The following MAP4 variants were observed in gnomAD, a reference collection of about 807,000 sequenced individuals.
MAP4 encodes microtubule associated protein 4.
Under a neutral mutation model 170.2 loss-of-function variants are expected in MAP4, and 76 were observed. That is an observed-to-expected ratio of 0.45 (90% CI 0.37 to 0.54). MAP4 has a LOEUF of 0.54. Among genes scored for constraint, MAP4 ranks in the 20% least tolerant of loss-of-function variants. The pLI is 0.00. For missense variants in MAP4, 2,506 were observed against 2,748.0 expected (o/e 0.91, Z 1.97); for synonymous variants, 909 against 994.5 (o/e 0.91, Z 1.62).
At position 47,897,704 on chromosome 3, in the gene MAP4, C is replaced by T. The variant is rs183489017; in HGVS notation, c.5434+5246G>A. Reference sequence around the variant, plus strand: ...CTGTAATCTCAGTACTTTGGGAGGTCGAGGCGGGCGGATCACAAGGTCAGG... The same window carrying T: ...CTGTAATCTCAGTACTTTGGGAGGTTGAGGCGGGCGGATCACAAGGTCAGG... On this transcript the variant is annotated intron_variant, in intron 10 of 20. Transcript: ENST00000683076. 5.6e-3 allele frequency among the ~76,000 whole-genome samples: 846 copies of T among 151,538 alleles called. 4 individuals are homozygous for T. Among genetic ancestry groups the T allele is most frequent in the South Asian group, 0.016 (75 of 4,784 alleles).
intron 2 of MAP4, among the ~76,000 whole-genome samples, chr3:47,997,722 A>AGAAAGAAG (rs1242733998): frequency 5.3e-5 from 8 of 152,092 alleles, no homozygotes; most frequent in African/African-American, 1.9e-4. Flanking sequence ...AAAGAAAGAA[A>AGAAAGAAG]GAAAGAAAGA....
At chr3:47,938,298 G>A (rs906563442) in intron 3 of MAP4, among the ~76,000 whole-genome samples, 3 of 152,074 alleles carry the variant, frequency 2.0e-5, no homozygotes, top group Non-Finnish European at 2.9e-5. Context: ...AACCTGGGAG[G>A]TGGAGGTTGC....
At chr3:48,082,050 C>T (rs6803741) in intron 1 of MAP4, among the ~76,000 whole-genome samples, 112,642 of 152,092 alleles carry the variant, frequency 0.74, 42,209 homozygotes, top group African/African-American at 0.87. Flanking sequence ...CAACAAAATA[C>T]AGTACTGGAT....
intron 3 of MAP4, among the ~76,000 whole-genome samples, chr3:47,951,338 TCCTCTC>T (rs1016665753): frequency 1.1e-4 from 17 of 151,854 alleles, no homozygotes; most frequent in African/African-American, 3.9e-4. Flanking sequence ...CTCCTCTCCC[TCCTCTC>T]CCTCTCCCCA....
intron 15 of MAP4, among the ~76,000 whole-genome samples, chr3:47,870,229 T>C (rs1294340474): frequency 6.6e-6 from 1 of 152,136 alleles, no homozygotes; most frequent in Non-Finnish European, 1.5e-5. Context: ...CCAGAAAATC[T>C]TAACCACCGG....
At chr3:48,074,466 G>C (rs1396361847) in intron 1 of MAP4, among the ~76,000 whole-genome samples, 2 of 116,550 alleles carry the variant, frequency 1.7e-5, no homozygotes, top group Admixed American at 9.1e-5. Context: ...AATAATAAAA[G>C]AAAAAAAAAC....
chr3:47,984,984 A>C (rs2100087722), intron 2 of MAP4, among the ~76,000 whole-genome samples: 1 of 151,260 alleles, frequency 6.6e-6, no homozygotes, highest in African/African-American at 2.4e-5. Context: ...AAATTAAAAA[A>C]TAAAAATAAA....
intron 1 of MAP4, among the ~76,000 whole-genome samples, chr3:48,038,650 C>T (rs1370648255): frequency 6.6e-6 from 1 of 151,976 alleles, no homozygotes; most frequent in African/African-American, 2.4e-5. Flanking sequence ...TTAGCAGGGA[C>T]GGGGTTTCAC....
At chr3:47,915,358 C>T (rs1035793851) in intron 7 of MAP4, among the ~76,000 whole-genome samples, 4 of 152,026 alleles carry the variant, frequency 2.6e-5, no homozygotes, top group African/African-American at 4.8e-5. Context: ...TCAGGTGATC[C>T]GCCCACCTCG....
At chr3:48,002,839 T>C (rs1291012333) in intron 1 of MAP4, among the ~76,000 whole-genome samples, 2 of 151,720 alleles carry the variant, frequency 1.3e-5, no homozygotes, top group African/African-American at 2.4e-5. Flanking sequence ...ATTGCACCAC[T>C]GTACTCCAGC....
chr3:48,074,129 TA>T (rs2100142424), intron 1 of MAP4, among the ~76,000 whole-genome samples: 1 of 151,582 alleles, frequency 6.6e-6, no homozygotes, highest in African/African-American at 2.4e-5. Context: ...TATGCAGCCA[TA>T]AAAAAGGATG....
rs192834050 is a variant in MAP4, at chr3:48,000,292, C to A, written c.-19-1413G>T. ...AATTGGGCACCATTCAAATGCAGGG[C>A]ATAATAGGAAATAAAGTGTGCAAGG... On this transcript the variant is annotated intron_variant, in intron 1 of 20. Coordinates refer to ENST00000683076, the MANE Select transcript of MAP4 (RefSeq NM_001385682.1). Among the ~76,000 whole-genome samples, 15 of 147,238 alleles carry A rather than the reference C, an allele frequency of 1.0e-4. No individual in the cohort carries two copies. In the East Asian group the frequency reaches 1.4e-3, roughly 14 times the overall value.
At chr3:47,920,117 T>C (rs548717358) in intron 5 of MAP4, among the ~76,000 whole-genome samples, 1 of 152,280 alleles carries the variant, frequency 6.6e-6, no homozygotes, top group East Asian at 1.9e-4. Context: ...ATTATAGGTG[T>C]CTGCCACCAC....
At chr3:47,898,310 T>A (rs2100028114) in intron 10 of MAP4, among the ~76,000 whole-genome samples, 1 of 151,982 alleles carries the variant, frequency 6.6e-6, no homozygotes, top group Non-Finnish European at 1.5e-5. Flanking sequence ...GAGACCATCC[T>A]GGCCAACGTG....
intron 1 of MAP4, among the ~76,000 whole-genome samples, chr3:48,013,931 T>C (rs1027761806): frequency 6.6e-6 from 1 of 152,146 alleles, no homozygotes; most frequent in African/African-American, 2.4e-5. Flanking sequence ...ACTTTGTATA[T>C]CTGATCTTTC....
chr3:48,055,465 C>G (rs1467945016), intron 1 of MAP4, among the ~76,000 whole-genome samples: 1 of 150,652 alleles, frequency 6.6e-6, no homozygotes. Context: ...CTCGGCCTCC[C>G]GAGGTGCCGG....
At chr3:47,947,110 T>C (rs2154069012) in intron 3 of MAP4, among the ~76,000 whole-genome samples, 3 of 152,376 alleles carry the variant, frequency 2.0e-5, no homozygotes, top group Middle Eastern at 6.8e-3. Context: ...TTTAAGGATA[T>C]TTAATATCCT....
upstream of MAP4, among the ~76,000 whole-genome samples, chr3:48,021,120 C>A (rs1291748222): frequency 6.6e-6 from 1 of 152,066 alleles, no homozygotes; most frequent in Non-Finnish European, 1.5e-5. Flanking sequence ...TGAAATGCAA[C>A]ACAGGATTAA....
intron 4 of MAP4, among the ~76,000 whole-genome samples, chr3:47,923,559 C>T (rs1448094996): frequency 4.5e-5 from 6 of 131,982 alleles, no homozygotes; most frequent in Admixed American, 4.5e-4. Context: ...CACTGCACTC[C>T]TGTCTGGGCA....
Sources: gnomAD v4.1 joint callset for allele counts (sites outside exome capture counted in the v4.1 genomes callset) on GRCh38, gnomAD v4.1.1 for gene constraint, MANE v1.5 for transcripts, NCBI Gene and HGNC (gene_info 2026-07-23, HGNC 2026-07-21) for gene names.